SLX9: variants seen among roughly 807,000 people sequenced by gnomAD.
The protein encoded by SLX9 is SLX9 ribosome biogenesis factor, also known as ribosome biogenesis protein SLX9 homolog.
Under a neutral mutation model 20.8 loss-of-function variants are expected in SLX9, and 19 were observed. That is an observed-to-expected ratio of 0.91 (90% confidence interval 0.64 to 1.34). The LOEUF is 1.34. SLX9 is among the 40% of genes most tolerant of loss of function. SLX9 has a pLI of 0.00. For missense variants in SLX9, 299 were observed against 322.2 expected (o/e 0.93, Z 0.55); for synonymous variants, 113 against 137.1 (o/e 0.82, Z 1.23).
chr21:44,966,685 C>G (rs1601412708), intron 3 of SLX9, among the ~76,000 whole-genome samples: 1 of 152,156 alleles, frequency 6.6e-6, no homozygotes, highest in Non-Finnish European at 1.5e-5. Context: ...GTTGAGGGCC[C>G]CTTTTCCTCA....
chr21:44,964,078 A>G (rs9974072), intron 3 of SLX9, among the ~76,000 whole-genome samples: 68,526 of 152,004 alleles, frequency 0.45, 17,433 homozygotes, highest in African/African-American at 0.7. Flanking sequence ...TTCATCATCA[A>G]TGTTATTCAG....
intron 2 of SLX9, among the ~76,000 whole-genome samples, chr21:44,945,584 G>A (rs909131826): frequency 1.3e-5 from 2 of 152,236 alleles, no homozygotes; most frequent in Admixed American, 6.5e-5. Flanking sequence ...GACCCGTCTT[G>A]CCTACCAGGG....
At chr21:44,940,681 T>TTG (rs896685890) in intron 1 of SLX9, among the ~76,000 whole-genome samples, 2 of 151,874 alleles carry the variant, frequency 1.3e-5, no homozygotes, top group African/African-American at 4.8e-5. Context: ...GATTTTTTTT[T>TTG]TTTTTTGGCT....
chr21:44,940,560 C>G (rs950418866), intron 1 of SLX9, among the ~76,000 whole-genome samples: 3 of 152,198 alleles, frequency 2.0e-5, no homozygotes, highest in African/African-American at 7.2e-5. Context: ...ACCCCGTTCC[C>G]TTTAGCAGTC....
At chr21:44,959,395 G>C (rs1395158528) in intron 2 of SLX9, 1 of 327,624 alleles carries the variant, frequency 3.1e-6, no homozygotes, top group Non-Finnish European at 4.4e-6. Flanking sequence ...ACTGGAGTCA[G>C]AGACGCAGCA....
At chr21:44,955,352 C>T (rs1044128816) in intron 2 of SLX9, among the ~76,000 whole-genome samples, 2 of 152,246 alleles carry the variant, frequency 1.3e-5, no homozygotes, top group Non-Finnish European at 2.9e-5. Flanking sequence ...CTCACATGCT[C>T]GCCCACCAGC....
At chr21:44,961,381 C>G (rs1345633786) in intron 3 of SLX9, among the ~76,000 whole-genome samples, 1 of 152,204 alleles carries the variant, frequency 6.6e-6, no homozygotes, top group Non-Finnish European at 1.5e-5. Flanking sequence ...GAGTTTCAGA[C>G]TAGCCTGGGC....
chr21:44,963,481 CTT>C (rs1477060187), intron 3 of SLX9, among the ~76,000 whole-genome samples: 1 of 150,682 alleles, frequency 6.6e-6, no homozygotes, highest in Non-Finnish European at 1.5e-5. Context: ...TTTAAGAAAA[CTT>C]TGCCTAATCC....
chr21:44,963,390 T>A (rs966054579), intron 3 of SLX9, among the ~76,000 whole-genome samples: 4 of 149,546 alleles, frequency 2.7e-5, no homozygotes, highest in African/African-American at 9.8e-5. Flanking sequence ...TTTTTTTTTT[T>A]AAATAAACGA....
rs551365303 is a variant in SLX9 at position 44,976,213 on chromosome 21, C to T, written c.570-467C>T. On this transcript the variant is annotated intron_variant, in intron 5 of 5. Transcript: ENST00000291634. ...GGGGTGAGCTGGTGCCATGCTGGGT[C>T]GTCGCCGTGGCACCCATCTGGGGCT... is the stretch of plus-strand genomic sequence containing the variant. 1.1e-4 allele frequency among the ~76,000 whole-genome samples: 17 copies of T among 152,354 alleles called. No individual in the cohort carries two copies. In the South Asian group the frequency reaches 3.1e-3, roughly 28 times the overall value.
chr21:44,948,133 G>A (rs1013111027), intron 2 of SLX9, among the ~76,000 whole-genome samples: 2 of 152,248 alleles, frequency 1.3e-5, no homozygotes, highest in Non-Finnish European at 2.9e-5. Flanking sequence ...CCAATCCTTG[G>A]CATCGGACAT....
intron 2 of SLX9, among the ~76,000 whole-genome samples, chr21:44,956,296 T>C (rs1244369828): frequency 6.6e-6 from 1 of 152,206 alleles, no homozygotes; most frequent in Non-Finnish European, 1.5e-5. Flanking sequence ...TGTGGCCCCT[T>C]TGTGTCCTCT....
At chr21:44,970,640 C>T (rs1181279735) in intron 4 of SLX9, among the ~76,000 whole-genome samples, 1 of 152,186 alleles carries the variant, frequency 6.6e-6, no homozygotes, top group African/African-American at 2.4e-5. Context: ...CAGGTCTGCC[C>T]CACTGACCAC....
At chr21:44,947,869 G>A (rs190000242) in intron 2 of SLX9, among the ~76,000 whole-genome samples, 226 of 152,358 alleles carry the variant, frequency 1.5e-3, no homozygotes, top group African/African-American at 5.2e-3. Flanking sequence ...CCTGTGGGCC[G>A]GGTTGTGCAT....
At chr21:44,948,077 G>C (rs913535863) in intron 2 of SLX9, among the ~76,000 whole-genome samples, 1 of 152,262 alleles carries the variant, frequency 6.6e-6, no homozygotes, top group Non-Finnish European at 1.5e-5. Context: ...CCTGGCAGCC[G>C]GCCGGGTGTC....
At chr21:44,965,221 A>G (rs1374862932) in intron 3 of SLX9, among the ~76,000 whole-genome samples, 1 of 152,190 alleles carries the variant, frequency 6.6e-6, no homozygotes, top group Non-Finnish European at 1.5e-5. Flanking sequence ...GGAGTAACTG[A>G]CAGAGAAGAA....
intron 2 of SLX9, among the ~76,000 whole-genome samples, chr21:44,948,712 A>AT (rs928807100): frequency 2.0e-5 from 3 of 151,872 alleles, no homozygotes; most frequent in African/African-American, 7.3e-5. Context: ...GTGGTACAGG[A>AT]TTTTGGGGGT....
chr21:44,973,530 A>G (rs1390158947), intron 5 of SLX9, among the ~76,000 whole-genome samples: 3 of 36,436 alleles, frequency 8.2e-5, no homozygotes, highest in East Asian at 5.4e-4. Flanking sequence ...GAGTGCCCTC[A>G]CCCCGCCCAC....
At chr21:44,960,742 C>G (rs562474177) in intron 3 of SLX9, among the ~76,000 whole-genome samples, 3 of 152,344 alleles carry the variant, frequency 2.0e-5, no homozygotes, top group Admixed American at 1.3e-4. Flanking sequence ...GCCACGTGCT[C>G]CCAGCTGCAC....
Sources: gnomAD v4.1 joint callset for allele counts (sites outside exome capture counted in the v4.1 genomes callset) on GRCh38, gnomAD v4.1.1 for gene constraint, MANE v1.5 for transcripts, NCBI Gene and HGNC (gene_info 2026-07-23, HGNC 2026-07-21) for gene names.